ITGA11: variants seen among roughly 807,000 people sequenced by gnomAD.
ITGA11 encodes the protein integrin alpha-11.
ITGA11 carries 97 observed loss-of-function variants against 141.9 expected under a neutral mutation model. The observed-to-expected ratio is 0.68, with a 90% CI of 0.58 to 0.81. ITGA11 has a LOEUF of 0.81. ITGA11 is among the 30% of genes least tolerant of loss of function. The pLI is 0.00. For synonymous variants in ITGA11, 658 were observed against 624.6 expected (o/e 1.05, Z -0.80); for missense variants, 1,387 against 1,559.2 (o/e 0.89, Z 1.86).
At chr15:68,340,468 C>A (rs8028971) in intron 10 of ITGA11, among the ~76,000 whole-genome samples, 1 of 151,934 alleles carries the variant, frequency 6.6e-6, no homozygotes, top group Non-Finnish European at 1.5e-5. Context: ...AGGAACTGAA[C>A]GCTGTTTGAT....
chr15:68,322,729 G>A lies in ITGA11; in HGVS notation c.2323-1226C>T, dbSNP rs368732617. Among the ~76,000 whole-genome samples the A allele has an allele frequency of 3.6e-4, 54 of 152,018 alleles. No homozygotes were observed. The highest frequency in any genetic ancestry group is 6.8e-3 in the Middle Eastern group (2 of 294). On this transcript the variant is annotated intron_variant, in intron 18 of 29. Transcript: ENST00000315757. The surrounding 1 kb of genome is among the most constrained non-coding windows in gnomAD (Gnocchi z 5.6). ...TAAAAAATACAAAAATTAGCTGGGCGCAGTGGCTGCAGTCCCAGCTACTCG... is the reference window on the plus strand; with the variant it reads ...TAAAAAATACAAAAATTAGCTGGGCACAGTGGCTGCAGTCCCAGCTACTCG...
At position 68,305,914 on chromosome 15, in the gene ITGA11, C is replaced by T. The variant is rs1310844244; in HGVS notation, c.3381+1434G>A. On this transcript the variant is annotated intron_variant, in intron 28 of 29. Coordinates refer to ENST00000315757, the MANE Select transcript of ITGA11 (RefSeq NM_001004439.2). This position sits in a 1 kb window ranked among gnomAD's most constrained non-coding sequence, Gnocchi z 4.6. ...AAGAGAAATGAGGCATGGCCGGGCA[C>T]GGTGGCTCATGCCTGTAATCCCAGC... Among the ~76,000 whole-genome samples, 5 of 151,662 alleles carry T rather than the reference C, an allele frequency of 3.3e-5. No individual in the cohort carries two copies. The highest frequency in any genetic ancestry group is 7.3e-5 in the African/African-American group (3 of 41,226).
chr15:68,332,827 A>T (rs186402816), intron 12 of ITGA11, among the ~76,000 whole-genome samples: 5 of 151,980 alleles, frequency 3.3e-5, no homozygotes, highest in African/African-American at 9.7e-5. Flanking sequence ...ACATCCAAAC[A>T]TAACTACCAC....
chr15:68,323,242 G>A (rs562826037), intron 18 of ITGA11, among the ~76,000 whole-genome samples: 6 of 152,248 alleles, frequency 3.9e-5, no homozygotes, highest in African/African-American at 1.4e-4. Context: ...AGCCGTTTGG[G>A]AAAGGAACTT....
intron 5 of ITGA11, 91 bp downstream of exon 5, chr15:68,361,499 G>T: frequency 1.2e-6 from 1 of 825,228 alleles, no homozygotes; most frequent in Non-Finnish European, 2.0e-6. Context: ...TCCAAATACT[G>T]CTTTCTAGCC....
chr15:68,393,249 G>T (rs534198129), intron 2 of ITGA11, among the ~76,000 whole-genome samples: 3 of 152,188 alleles, frequency 2.0e-5, no homozygotes, highest in South Asian at 4.2e-4. Context: ...TGGCGAGAAG[G>T]CCTAACATAC....
Position 68,307,330 on chromosome 15 carries a change from G to GT in ITGA11, c.3381+17_3381+18insA. On this transcript the variant is annotated intron_variant, in intron 28 of 29. Transcript: ENST00000315757. The surrounding 1 kb of genome is among the most constrained non-coding windows in gnomAD (Gnocchi z 6.1). Reference sequence around the variant, plus strand: ...TGTCCGGCCTAAGCCCAGTTCTGCAGGGCTCCCAGGGGCTCACCTGGCGGC... The same window carrying GT: ...TGTCCGGCCTAAGCCCAGTTCTGCAGTGGCTCCCAGGGGCTCACCTGGCGGC... The GT allele has an allele frequency of 1.3e-6, 2 of 1,539,196 alleles. No homozygotes were observed. Among genetic ancestry groups the GT allele is most frequent in the East Asian group, 4.9e-5 (2 of 40,930 alleles).
At chr15:68,343,721 C>A (rs1268876570) in intron 10 of ITGA11, among the ~76,000 whole-genome samples, 2 of 152,150 alleles carry the variant, frequency 1.3e-5, no homozygotes, top group African/African-American at 4.8e-5. Flanking sequence ...AGGGGTGAGG[C>A]TCTGTTCCCA....
intron 3 of ITGA11, 40 bp from the exon 4 acceptor site, chr15:68,364,838 G>A: frequency 6.4e-7 from 1 of 1,572,090 alleles, no homozygotes; most frequent in South Asian, 1.1e-5. Context: ...GCCCCCTCCT[G>A]CCCGCCCTCT....
intron 2 of ITGA11, among the ~76,000 whole-genome samples, chr15:68,392,668 G>A (rs1896148975): frequency 6.6e-6 from 1 of 152,166 alleles, no homozygotes; most frequent in Non-Finnish European, 1.5e-5. Context: ...AGATTTTAGA[G>A]GTTGCCTCCT....
intron 1 of ITGA11, among the ~76,000 whole-genome samples, chr15:68,425,613 C>T (rs1897124480): frequency 6.6e-6 from 1 of 152,218 alleles, no homozygotes. Flanking sequence ...ACACCTGTCT[C>T]AGCAGGAACT....
In ITGA11 at chr15:68,305,915, G is replaced by A. The variant is rs142005143; in HGVS notation, c.3381+1433C>T. Among the ~76,000 whole-genome samples the A allele has an allele frequency of 1.8e-3, 279 of 152,118 alleles. 4 individuals are homozygous for A. The highest frequency in any genetic ancestry group is 6.3e-3 in the African/African-American group (260 of 41,486). ...AGAGAAATGAGGCATGGCCGGGCAC[G>A]GTGGCTCATGCCTGTAATCCCAGCA... On this transcript the variant is annotated intron_variant, in intron 28 of 29. Transcript: ENST00000315757. The surrounding 1 kb of genome is among the most constrained non-coding windows in gnomAD (Gnocchi z 4.6).
chr15:68,330,922 C>A (rs1239656946), intron 15 of ITGA11, 59 bp downstream of exon 15: 2 of 1,604,584 alleles, frequency 1.2e-6, no homozygotes, highest in Non-Finnish European at 8.5e-7. Context: ...CTTTAAAACC[C>A]CTGGATTCAT....
intron 10 of ITGA11, among the ~76,000 whole-genome samples, chr15:68,342,579 C>G (rs905751863): frequency 1.3e-5 from 2 of 152,210 alleles, no homozygotes; most frequent in Non-Finnish European, 2.9e-5. Context: ...CTTGCCTTCC[C>G]AGCTGAGCTG....
At chr15:68,365,324 G>A (rs1447145611) in intron 3 of ITGA11, 17 of 985,306 alleles carry the variant, frequency 1.7e-5, no homozygotes, top group Non-Finnish European at 2.0e-5. Flanking sequence ...CTCAACGAGA[G>A]CCTTCCAGAG....
chr15:68,379,821 A>G (rs1190487928), intron 2 of ITGA11, among the ~76,000 whole-genome samples: 2 of 152,348 alleles, frequency 1.3e-5, no homozygotes, highest in South Asian at 4.1e-4. Flanking sequence ...AAACACAGCA[A>G]TAGTTTGGAC....
intron 1 of ITGA11, among the ~76,000 whole-genome samples, chr15:68,410,589 T>C (rs2140423378): frequency 6.6e-6 from 1 of 152,320 alleles, no homozygotes; most frequent in South Asian, 2.1e-4. Flanking sequence ...GGCTGGCTGT[T>C]TCGTATCCTC....
intron 2 of ITGA11, among the ~76,000 whole-genome samples, chr15:68,371,910 A>G (rs1311725542): frequency 1.3e-5 from 2 of 152,094 alleles, no homozygotes; most frequent in South Asian, 2.1e-4. Context: ...CTTTTCAAAG[A>G]ACAAGGGCCA....
rs367820498 is a variant in ITGA11 at position 68,388,159 on chromosome 15, A to G, written c.164+14759T>C. 2.6e-5 allele frequency among the ~76,000 whole-genome samples: 4 copies of G among 152,142 alleles called. No homozygotes were observed. In the East Asian group the frequency reaches 5.8e-4, roughly 22 times the overall value. On this transcript the variant is annotated intron_variant, in intron 2 of 29. Transcript: ENST00000315757. ...TACCACAATCTTCCTAGTCAGCAAGATATGTCCTCAATCATCCTGCAGCCT... is the reference window on the plus strand; with the variant it reads ...TACCACAATCTTCCTAGTCAGCAAGGTATGTCCTCAATCATCCTGCAGCCT...
Sources: allele counts gnomAD v4.1 joint callset (sites outside exome capture counted in the v4.1 genomes callset), GRCh38; gene constraint gnomAD v4.1.1; non-coding constraint Gnocchi (gnomAD v3.1); transcripts MANE v1.5; gene names NCBI Gene and HGNC (gene_info 2026-07-23, HGNC 2026-07-21).